SAMD13: variants seen among roughly 807,000 people sequenced by gnomAD.
The protein encoded by SAMD13 is sterile alpha motif domain containing 13.
A neutral mutation model predicts 12.4 loss-of-function variants in SAMD13; 9 were observed. The ratio of observed to expected loss-of-function variants is 0.72; its 90% CI spans 0.44 to 1.26. SAMD13 has a LOEUF of 1.26. Ranked by LOEUF, SAMD13 falls within the 50% of genes most tolerant of loss-of-function variation. SAMD13 has a pLI of 0.00. For synonymous variants in SAMD13, 46 were observed against 45.4 expected (o/e 1.01, Z -0.05); for missense variants, 84 against 119.6 (o/e 0.70, Z 1.39).
intron 2 of SAMD13, among the ~76,000 whole-genome samples, chr1:84,318,326 C>G (rs972743025): frequency 6.6e-6 from 1 of 151,910 alleles, no homozygotes. Context: ...TTATTTGTCT[C>G]AAGATACTTT....
At chr1:84,305,674 T>C (rs1678552584) in intron 2 of SAMD13, among the ~76,000 whole-genome samples, 1 of 152,162 alleles carries the variant, frequency 6.6e-6, no homozygotes, top group South Asian at 2.1e-4. Context: ...TTAATTTTTG[T>C]TTGTAGTGTG....
At chr1:84,311,372 G>GA (rs909341955) in intron 2 of SAMD13, among the ~76,000 whole-genome samples, 38 of 145,996 alleles carry the variant, frequency 2.6e-4, no homozygotes, top group East Asian at 2.0e-4. Context: ...AAAAGAAAAA[G>GA]AAAAAAAAAT....
At chr1:84,323,838 A>T (rs1678999028) in intron 2 of SAMD13, among the ~76,000 whole-genome samples, 4 of 152,098 alleles carry the variant, frequency 2.6e-5, no homozygotes, top group Non-Finnish European at 5.9e-5. Flanking sequence ...CTCTCTCAAG[A>T]TTTCAGTTAC....
chr1:84,299,657 G>GTGTATATA (rs1553199278), upstream of SAMD13: 20 of 677,886 alleles, frequency 3.0e-5, no homozygotes, highest in African/African-American at 2.0e-4. Context: ...GAGTACTAGT[G>GTGTATATA]TATATATATA....
At chr1:84,298,800 C>T (rs1447957247), upstream of SAMD13, among the ~76,000 whole-genome samples, 1 of 152,096 alleles carries the variant, frequency 6.6e-6, no homozygotes, top group Non-Finnish European at 1.5e-5. Flanking sequence ...CCCGGCTCGC[C>T]TGGGGCTGCT....
chr1:84,314,520 G>A (rs1570235083), intron 2 of SAMD13, among the ~76,000 whole-genome samples: 1 of 152,106 alleles, frequency 6.6e-6, no homozygotes, highest in African/African-American at 2.4e-5. Flanking sequence ...TAGCTTGCTA[G>A]GTAGTTTCTG....
intron 3 of SAMD13, among the ~76,000 whole-genome samples, chr1:84,341,807 A>G (rs1295204223): frequency 6.6e-6 from 1 of 152,156 alleles, no homozygotes; most frequent in East Asian, 1.9e-4. Context: ...CTTTTGGTTG[A>G]TGACATGATA....
At position 84,315,875 on chromosome 1, in the gene SAMD13, A is replaced by G. The variant is rs114375069; in HGVS notation, c.54-9762A>G. Among the ~76,000 whole-genome samples, 590 of 152,232 alleles carry G rather than the reference A, an allele frequency of 3.9e-3. 6 individuals are homozygous for G. Among genetic ancestry groups the G allele is most frequent in the African/African-American group, 0.014 (572 of 41,536 alleles). ...TTATGATTTATTCACATCCTTGCCA[A>G]CATTTGTCATTGTTGTTTTGGTAAT... On this transcript the variant is annotated intron_variant, in intron 2 of 3. Coordinates refer to ENST00000394834, the MANE Select transcript of SAMD13 (RefSeq NM_001134663.2).
At chr1:84,331,785 A>G (rs1378198767) in intron 3 of SAMD13, among the ~76,000 whole-genome samples, 3 of 152,136 alleles carry the variant, frequency 2.0e-5, no homozygotes, top group Non-Finnish European at 2.9e-5. Flanking sequence ...GGTTTGTTAT[A>G]TAGGTAAATT....
At position 84,333,603 on chromosome 1, in the gene SAMD13, C is replaced by T. The variant is rs567506401; in HGVS notation, c.165+7855C>T. ...AAACTTTGTTGAAGTTGTTTATCAG[C>T]TCAAGGCAGCTTCTGGTCAGAGACT... On this transcript the variant is annotated intron_variant, in intron 3 of 3. Transcript: ENST00000394834. Among the ~76,000 whole-genome samples, 6 of 152,234 alleles carry T rather than the reference C, an allele frequency of 3.9e-5. No homozygotes were observed. In the East Asian group the frequency reaches 1.2e-3, roughly 29 times the overall value.
intron 2 of SAMD13, among the ~76,000 whole-genome samples, chr1:84,306,859 T>TAAAAC (rs1558437489): frequency 1.7e-3 from 253 of 145,538 alleles, no homozygotes; most frequent in South Asian, 4.1e-3. Flanking sequence ...AATAATAAAA[T>TAAAAC]AAAATAAGAA....
At chr1:84,334,962 C>G (rs1176543761) in intron 3 of SAMD13, among the ~76,000 whole-genome samples, 2 of 151,840 alleles carry the variant, frequency 1.3e-5, no homozygotes, top group African/African-American at 2.4e-5. Flanking sequence ...TTGTTTTATG[C>G]TAATTGTGTG....
chr1:84,298,567 G>C, upstream of SAMD13: 1 of 1,281,462 alleles, frequency 7.8e-7, no homozygotes, highest in East Asian at 2.9e-5. Context: ...CATGCGGGGA[G>C]GTAAGTGATC....
intron 3 of SAMD13, among the ~76,000 whole-genome samples, chr1:84,346,474 C>T (rs942304254): frequency 1.3e-5 from 2 of 152,204 alleles, no homozygotes; most frequent in Non-Finnish European, 1.5e-5. Context: ...CACACAATTC[C>T]CAAGATGTGA....
chr1:84,304,199 A>C (rs999196130), intron 2 of SAMD13: 1 of 152,210 alleles, frequency 6.6e-6, no homozygotes, highest in Non-Finnish European at 1.5e-5. Context: ...AACTTAATAA[A>C]ATCTGTTTTT....
At chr1:84,325,175 TAG>T (rs2101804485) in intron 2 of SAMD13, among the ~76,000 whole-genome samples, 1 of 152,086 alleles carries the variant, frequency 6.6e-6, no homozygotes, top group African/African-American at 2.4e-5. Flanking sequence ...GTAGAAATGG[TAG>T]AGTTTTGTCC....
At chr1:84,325,235 C>T (rs146168429) in intron 2 of SAMD13, among the ~76,000 whole-genome samples, 267 of 152,158 alleles carry the variant, frequency 1.8e-3, no homozygotes, top group Admixed American at 4.5e-3. Flanking sequence ...ACAGAATGTG[C>T]AGAGGCTCAG....
chr1:84,349,205 A>G (rs905364384), intron 3 of SAMD13, among the ~76,000 whole-genome samples: 1 of 152,198 alleles, frequency 6.6e-6, no homozygotes, highest in African/African-American at 2.4e-5. Context: ...TGCCTGTAAA[A>G]TAGAAATGAT....
chr1:84,336,471 G>A (rs567626541), intron 3 of SAMD13, among the ~76,000 whole-genome samples: 30 of 152,254 alleles, frequency 2.0e-4, no homozygotes, highest in African/African-American at 7.2e-4. Context: ...ATGGCAGCAG[G>A]CAAAAAGAGA....
Sources: allele counts gnomAD v4.1 joint callset (sites outside exome capture counted in the v4.1 genomes callset), GRCh38; gene constraint gnomAD v4.1.1; transcripts MANE v1.5; gene names NCBI Gene and HGNC (gene_info 2026-07-23, HGNC 2026-07-21).